The following PLEKHA6 variants were observed in gnomAD, a reference collection of about 807,000 sequenced individuals.
PLEKHA6 encodes pleckstrin homology domain containing A6.
PLEKHA6 carries 60 observed loss-of-function variants against 116.7 expected under a neutral mutation model. The ratio of observed to expected loss-of-function variants is 0.51; its 90% CI spans 0.42 to 0.64. PLEKHA6 has a LOEUF of 0.64. Among genes scored for constraint, PLEKHA6 ranks in the 30% least tolerant of loss-of-function variants. PLEKHA6 has a pLI of 0.00. For missense variants in PLEKHA6, 1,338 were observed against 1,422.7 expected, an observed-to-expected ratio of 0.94 and a Z score of 0.96; for synonymous variants, 489 against 556.1, an observed-to-expected ratio of 0.88 and a Z score of 1.70.
chr1:204,227,167 GC>G (rs1660478810), intron 21 of PLEKHA6, among the ~76,000 whole-genome samples: 2 of 152,190 alleles, frequency 1.3e-5, no homozygotes, highest in Admixed American at 6.5e-5. Context: ...TCTTGCCTGG[GC>G]TACTGGAATG....
At chr1:204,314,500 C>A (rs114443324) in intron 1 of PLEKHA6, among the ~76,000 whole-genome samples, 2 of 152,198 alleles carry the variant, frequency 1.3e-5, no homozygotes, top group Non-Finnish European at 2.9e-5. Flanking sequence ...CTGATCCTAA[C>A]TGGCCACCAC....
intron 1 of PLEKHA6, among the ~76,000 whole-genome samples, chr1:204,376,259 G>A (rs1263730192): frequency 6.6e-6 from 1 of 152,154 alleles, no homozygotes; most frequent in Admixed American, 6.5e-5. Context: ...TACCTGAGGG[G>A]CTCATGGAAA....
intron 21 of PLEKHA6, among the ~76,000 whole-genome samples, chr1:204,227,702 G>T (rs1195979490): frequency 1.3e-5 from 2 of 152,136 alleles, no homozygotes; most frequent in African/African-American, 4.8e-5. Flanking sequence ...GGAATACCTG[G>T]CCCTCTCCCT....
At chr1:204,326,398 C>T (rs771868442) in intron 1 of PLEKHA6, among the ~76,000 whole-genome samples, 8 of 152,292 alleles carry the variant, frequency 5.3e-5, no homozygotes, top group Middle Eastern at 3.4e-3. Context: ...CAGAGACAAT[C>T]GAGACCCATA....
intron 1 of PLEKHA6, among the ~76,000 whole-genome samples, chr1:204,325,138 C>G (rs1558182325): frequency 6.6e-6 from 1 of 152,094 alleles, no homozygotes; most frequent in Non-Finnish European, 1.5e-5. Context: ...TAGAGAGATG[C>G]AACTATTTTG....
intron 1 of PLEKHA6, chr1:204,275,554 G>T: frequency 4.2e-6 from 1 of 238,116 alleles, no homozygotes; most frequent in Non-Finnish European, 6.8e-6. Flanking sequence ...GTGGGGGGTA[G>T]GTGCAGAGGC....
chr1:204,226,643 C>A (rs961736920), intron 21 of PLEKHA6, among the ~76,000 whole-genome samples: 1 of 152,128 alleles, frequency 6.6e-6, no homozygotes, highest in African/African-American at 2.4e-5. Context: ...CCTTCTCTTA[C>A]CCTCAACTCC....
Position 204,220,304 on chromosome 1 carries a change from T to C in PLEKHA6, c.*2484A>G, listed in dbSNP as rs1659515355. On this transcript the variant is annotated 3_prime_UTR_variant, in exon 23 of 23. Transcript: ENST00000272203. Reference sequence around the variant, plus strand: ...ATTCACGCCTGACAACCGCAGAGGGTCATCAGGAGCAGACAGTGTAATAAA... The same window carrying C: ...ATTCACGCCTGACAACCGCAGAGGGCCATCAGGAGCAGACAGTGTAATAAA... The C allele has an allele frequency of 6.6e-6, 1 of 152,036 alleles. No homozygotes were observed. Among genetic ancestry groups the C allele is most frequent in the African/African-American group, 2.4e-5 (1 of 41,380 alleles). 9.4% of individuals were successfully genotyped at this position (152,036 alleles called of 1,614,324 possible).
At chr1:204,291,732 A>G (rs1291409413) in intron 1 of PLEKHA6, among the ~76,000 whole-genome samples, 1 of 152,238 alleles carries the variant, frequency 6.6e-6, no homozygotes, top group Non-Finnish European at 1.5e-5. Flanking sequence ...AATGCAAACT[A>G]ATCTATAGTG....
chr1:204,268,344 C>T, intron 3 of PLEKHA6, 32 bp from the exon 4 acceptor site: 4 of 1,483,122 alleles, frequency 2.7e-6, no homozygotes, highest in Non-Finnish European at 3.7e-6. Context: ...GATCTAGGTC[C>T]CCAGTCTCCT....
Position 204,248,839 on chromosome 1 carries a change from C to T in PLEKHA6, c.1806G>A (p.Glu602=). The change falls in exon 12 of 23, where the codon GAG becomes GAA. Residue 602 remains glutamate (E), a synonymous_variant. Transcript: ENST00000272203. ...LQNQLINIRV[E]LSQATTALTN... Reference sequence around the variant, plus strand: ...GGGTTACCGTGGTCGCCTGAGACAGCTCCACGCGGATGTTGATGAGCTGGT... The same window carrying T: ...GGGTTACCGTGGTCGCCTGAGACAGTTCCACGCGGATGTTGATGAGCTGGT... The T allele has an allele frequency of 6.2e-7, 1 of 1,613,946 alleles. No individual in the cohort carries two copies. The highest frequency in any genetic ancestry group is 8.5e-7 in the Non-Finnish European group (1 of 1,179,982).
chr1:204,268,410 G>T (rs1305741558), intron 3 of PLEKHA6, 98 bp from the exon 4 acceptor site: 2 of 742,106 alleles, frequency 2.7e-6, no homozygotes, highest in Admixed American at 6.7e-5. Flanking sequence ...TCTCCCTAGG[G>T]TTAACCCTGG....
At chr1:204,225,861 C>T (rs1660284383) in intron 21 of PLEKHA6, among the ~76,000 whole-genome samples, 1 of 152,222 alleles carries the variant, frequency 6.6e-6, no homozygotes, top group Non-Finnish European at 1.5e-5. Context: ...ACAAACATGA[C>T]CAGATCCAGA....
At chr1:204,241,869 G>A (rs72749769) in intron 15 of PLEKHA6, 55 bp from the exon 16 acceptor site, 138,934 of 1,587,430 alleles carry the variant, frequency 0.088, 6,628 homozygotes, top group Middle Eastern at 0.13. Context: ...CAGGAACTTG[G>A]CCCCCAGTGA....
chr1:204,347,620 TTA>T (rs1673112461), intron 1 of PLEKHA6, among the ~76,000 whole-genome samples: 1 of 151,108 alleles, frequency 6.6e-6, no homozygotes, highest in Non-Finnish European at 1.5e-5. Context: ...TCTTCACAAT[TTA>T]TGTTTAGAGA....
At position 204,350,638 on chromosome 1, in the gene PLEKHA6, A is replaced by G. The variant is rs183772894; in HGVS notation, c.-95+9056T>C. Among the ~76,000 whole-genome samples the G allele has an allele frequency of 2.0e-5, 3 of 152,324 alleles. No individual in the cohort carries two copies. In the East Asian group the frequency reaches 5.8e-4, roughly 29 times the overall value. On this transcript the variant is annotated intron_variant, in intron 1 of 22. Coordinates refer to ENST00000272203, the MANE Select transcript of PLEKHA6 (RefSeq NM_014935.5). Reference sequence around the variant, plus strand: ...CCCAAACGTGTGCTCTGGAGGTCCAAGTTCTCTCCATTTTACAGATGAAGA... The same window carrying G: ...CCCAAACGTGTGCTCTGGAGGTCCAGGTTCTCTCCATTTTACAGATGAAGA...
At chr1:204,307,444 TG>T (rs1438974505) in intron 1 of PLEKHA6, 1 of 152,290 alleles carries the variant, frequency 6.6e-6, no homozygotes, top group African/African-American at 2.4e-5. Context: ...GCGGATGCAC[TG>T]CCCATGAGAA....
intron 17 of PLEKHA6, among the ~76,000 whole-genome samples, chr1:204,233,300 G>A (rs1336997778): frequency 9.4e-5 from 14 of 149,618 alleles, no homozygotes; most frequent in Non-Finnish European, 3.0e-5. Context: ...TAAGCCTCCT[G>A]GAGGAGGCTA....
chr1:204,322,467 A>G (rs1672097513), intron 1 of PLEKHA6, among the ~76,000 whole-genome samples: 1 of 152,184 alleles, frequency 6.6e-6, no homozygotes, highest in Non-Finnish European at 1.5e-5. Context: ...CCCTGGCGTG[A>G]CTTGGGAAGC....
Sources: allele counts gnomAD v4.1 joint callset (sites outside exome capture counted in the v4.1 genomes callset), GRCh38; gene constraint gnomAD v4.1.1; transcripts MANE v1.5; gene names NCBI Gene and HGNC (gene_info 2026-07-23, HGNC 2026-07-21).